ARHGAP26: variants seen among roughly 807,000 people sequenced by gnomAD.
ARHGAP26 encodes the protein rho GTPase-activating protein 26.
In ARHGAP26, 38 loss-of-function variants were observed where a neutral mutation model predicts 104.8. The ratio of observed to expected loss-of-function variants is 0.36; its 90% CI spans 0.28 to 0.48. The LOEUF (loss-of-function observed/expected upper bound fraction) is 0.48, where lower values mean the gene tolerates loss of function less well. ARHGAP26 is among the 20% of genes least tolerant of loss of function. The pLI, the probability that ARHGAP26 is intolerant of heterozygous loss-of-function variation, is 0.99. For synonymous variants in ARHGAP26, 341 were observed against 340.0 expected (o/e 1.00, Z -0.03); for missense variants, 704 against 947.9 (o/e 0.74, Z 3.38).
intron 1 of ARHGAP26, among the ~76,000 whole-genome samples, chr5:142,848,337 A>G (rs753338386): frequency 6.6e-6 from 1 of 152,038 alleles, no homozygotes; most frequent in African/African-American, 2.4e-5. Context: ...GGTGGCCATC[A>G]CTCCCCGGGG....
chr5:142,996,667 A>G (rs1308914840), intron 11 of ARHGAP26, among the ~76,000 whole-genome samples: 4 of 152,086 alleles, frequency 2.6e-5, no homozygotes, highest in Non-Finnish European at 5.9e-5. Flanking sequence ...TGGTTGTAGG[A>G]AGGATAGGTG....
intron 17 of ARHGAP26, among the ~76,000 whole-genome samples, chr5:143,079,534 G>A (rs1258316419): frequency 6.6e-6 from 1 of 152,182 alleles, no homozygotes; most frequent in Non-Finnish European, 1.5e-5. Context: ...GAAAAAACCT[G>A]CAGGGTGTGC....
intron 1 of ARHGAP26, among the ~76,000 whole-genome samples, chr5:142,775,023 A>G (rs1463053345): frequency 6.6e-6 from 1 of 152,196 alleles, no homozygotes; most frequent in African/African-American, 2.4e-5. Flanking sequence ...ATCAATTATG[A>G]ATAGAGCCGA....
intron 6 of ARHGAP26, among the ~76,000 whole-genome samples, chr5:142,900,669 G>C (rs911881354): frequency 1.3e-5 from 2 of 152,234 alleles, no homozygotes; most frequent in East Asian, 1.9e-4. Flanking sequence ...CTCAGAAAAG[G>C]AGAGTTAGTT....
chr5:143,064,291 A>C (rs1787165833), intron 17 of ARHGAP26, among the ~76,000 whole-genome samples: 1 of 151,858 alleles, frequency 6.6e-6, no homozygotes, highest in Non-Finnish European at 1.5e-5. Flanking sequence ...TTGGGTTTTC[A>C]ATCCTTGCCT....
intron 20 of ARHGAP26, among the ~76,000 whole-genome samples, chr5:143,151,870 G>T (rs563195155): frequency 5.4e-4 from 82 of 152,186 alleles, no homozygotes; most frequent in South Asian, 2.9e-3. Flanking sequence ...GCAGGAGAAT[G>T]GGTTGAACCT....
chr5:142,866,619 G>A (rs755634814), intron 1 of ARHGAP26, among the ~76,000 whole-genome samples: 7 of 152,156 alleles, frequency 4.6e-5, no homozygotes, highest in Non-Finnish European at 7.4e-5. Flanking sequence ...AGAGGAGCAC[G>A]TCTTTATTCT....
At chr5:142,910,725 C>T (rs546809441) in intron 9 of ARHGAP26, among the ~76,000 whole-genome samples, 57 of 152,200 alleles carry the variant, frequency 3.7e-4, no homozygotes, top group Admixed American at 1.2e-3. Context: ...GGCGACAGTG[C>T]GAGACTCCAT....
intron 20 of ARHGAP26, among the ~76,000 whole-genome samples, chr5:143,196,742 CA>C (rs753425344): frequency 6.6e-6 from 1 of 152,180 alleles, no homozygotes; most frequent in Non-Finnish European, 1.5e-5. Context: ...AGGTAGACCT[CA>C]AACAGACACT....
At chr5:143,221,482 A>G (rs1189972342) in intron 22 of ARHGAP26, among the ~76,000 whole-genome samples, 1 of 151,538 alleles carries the variant, frequency 6.6e-6, no homozygotes, top group Non-Finnish European at 1.5e-5. Flanking sequence ...AGCAGGGGGT[A>G]AGGATTTGAA....
chr5:143,074,886 C>G (rs889690037), intron 17 of ARHGAP26, among the ~76,000 whole-genome samples: 1 of 152,204 alleles, frequency 6.6e-6, no homozygotes, highest in African/African-American at 2.4e-5. Flanking sequence ...GACACCTTCT[C>G]TGTTAGGAGG....
chr5:143,153,032 A>T (rs1303340635), intron 20 of ARHGAP26, among the ~76,000 whole-genome samples: 7 of 152,196 alleles, frequency 4.6e-5, no homozygotes, highest in Non-Finnish European at 8.8e-5. Flanking sequence ...CCGCGGAGTC[A>T]TGGGCAGCTG....
At chr5:142,930,655 T>C (rs1447619502) in intron 10 of ARHGAP26, among the ~76,000 whole-genome samples, 1 of 152,028 alleles carries the variant, frequency 6.6e-6, no homozygotes, top group African/African-American at 2.4e-5. Context: ...GTTTGCATGC[T>C]TTCCCTCTGT....
At chr5:142,928,492 T>C (rs770249991) in intron 10 of ARHGAP26, among the ~76,000 whole-genome samples, 1 of 152,304 alleles carries the variant, frequency 6.6e-6, no homozygotes, top group African/African-American at 2.4e-5. Flanking sequence ...TTTGCAGAAG[T>C]GCATGGCTGA....
At chr5:142,829,293 C>T (rs138421320) in intron 1 of ARHGAP26, among the ~76,000 whole-genome samples, 2,705 of 152,274 alleles carry the variant, frequency 0.018, 31 homozygotes, top group Non-Finnish European at 0.03. Flanking sequence ...AACAGTGCCC[C>T]CTTTCTCGAA....
intron 1 of ARHGAP26, among the ~76,000 whole-genome samples, chr5:142,813,403 A>G (rs1406166449): frequency 1.3e-5 from 2 of 152,142 alleles, no homozygotes; most frequent in Non-Finnish European, 2.9e-5. Flanking sequence ...CACATGGCTG[A>G]CTGTTTCAGA....
At chr5:143,037,347 C>A in intron 13 of ARHGAP26, 86 bp downstream of exon 13, 1 of 1,146,876 alleles carries the variant, frequency 8.7e-7, no homozygotes, top group Non-Finnish European at 1.2e-6. Flanking sequence ...TGTTTCCTGA[C>A]TTTAAGTGAC....
chr5:142,975,590 G>A (rs1047515925), intron 11 of ARHGAP26, among the ~76,000 whole-genome samples: 3 of 152,086 alleles, frequency 2.0e-5, no homozygotes, highest in African/African-American at 7.2e-5. Flanking sequence ...CTATAAAGAT[G>A]ATCCCTGAAA....
At position 143,227,355 on chromosome 5, in the gene ARHGAP26, C is replaced by G. The variant is rs1811752610; in HGVS notation, c.*4909C>G. 1 of 231,202 alleles carries G rather than the reference C, an allele frequency of 4.3e-6. No homozygotes were observed. The highest frequency in any genetic ancestry group is 2.2e-5 in the African/African-American group (1 of 45,240). The allele number at this position is 231,202 out of a possible 1,614,324, so 14.3% of individuals were successfully genotyped here. ...TCTCTGGCAAACTTGACAATCATCA[C>G]TTACCTCGACAACCCTGCCCCACAT... On this transcript the variant is annotated 3_prime_UTR_variant, in exon 23 of 23. Coordinates refer to ENST00000645722, the MANE Select transcript of ARHGAP26 (RefSeq NM_001135608.3).
Sources: gnomAD v4.1 joint callset for allele counts (sites outside exome capture counted in the v4.1 genomes callset) on GRCh38, gnomAD v4.1.1 for gene constraint, MANE v1.5 for transcripts, NCBI Gene and HGNC (gene_info 2026-07-23, HGNC 2026-07-21) for gene names.